The following SSBP3 variants were observed in gnomAD, a reference collection of about 807,000 sequenced individuals.
SSBP3 encodes single-stranded DNA-binding protein 3.
A neutral mutation model predicts 69.6 loss-of-function variants in SSBP3; 5 were observed. The ratio of observed to expected loss-of-function variants is 0.07; its 90% CI spans 0.04 to 0.15. The LOEUF is 0.15. Ranked by LOEUF, SSBP3 falls within the 10% of genes least tolerant of loss-of-function variation. The probability of loss-of-function intolerance (pLI) is 1.00; values close to 1 mark genes in which losing one functional copy is unlikely to be tolerated. For synonymous variants in SSBP3, 196 were observed against 193.4 expected (o/e 1.01, Z -0.11); for missense variants, 312 against 534.0 (o/e 0.58, Z 4.10).
intron 4 of SSBP3, among the ~76,000 whole-genome samples, chr1:54,347,348 GT>G (rs1381151075): frequency 6.8e-6 from 1 of 147,722 alleles, no homozygotes; most frequent in Non-Finnish European, 1.5e-5. Flanking sequence ...TTGTTAGGCT[GT>G]TTTTTAATTT....
intron 4 of SSBP3, among the ~76,000 whole-genome samples, chr1:54,285,015 A>C (rs1359993518): frequency 6.6e-6 from 1 of 152,184 alleles, no homozygotes; most frequent in Admixed American, 6.5e-5. Context: ...CCAATGAAGG[A>C]GGACAAAAAA....
At chr1:54,241,226 C>T (rs755745772) in intron 12 of SSBP3, among the ~76,000 whole-genome samples, 8 of 152,256 alleles carry the variant, frequency 5.3e-5, no homozygotes, top group South Asian at 2.1e-4. Flanking sequence ...GAGAGGCCTG[C>T]GGTGGACGCC....
At position 54,251,898 on chromosome 1, in the gene SSBP3, C is replaced by T. The variant is rs746738747; in HGVS notation, c.508-38G>A. The T allele has an allele frequency of 5.6e-5, 89 of 1,585,448 alleles. 2 individuals are homozygous for T. The highest frequency in any genetic ancestry group is 5.3e-4 in the South Asian group (47 of 89,428). ...CAAGACACAAGCTGAGGAGCTGCTC[C>T]GGAGCTGCTGGCCATGGGGACAGGC... On this transcript the variant is annotated intron_variant, in intron 7 of 17. Transcript: ENST00000610401.
At chr1:54,270,702 G>A (rs1261398882) in intron 5 of SSBP3, among the ~76,000 whole-genome samples, 3 of 152,136 alleles carry the variant, frequency 2.0e-5, no homozygotes, top group African/African-American at 4.8e-5. Context: ...TCCCAGACAC[G>A]CCTACAACAA....
At chr1:54,302,298 A>T (rs922786386) in intron 4 of SSBP3, among the ~76,000 whole-genome samples, 41 of 150,856 alleles carry the variant, frequency 2.7e-4, no homozygotes, top group African/African-American at 9.8e-4. Context: ...CAATGAATGT[A>T]GCTCACGACT....
intron 4 of SSBP3, among the ~76,000 whole-genome samples, chr1:54,376,026 A>G (rs899239260): frequency 2.6e-5 from 4 of 151,992 alleles, no homozygotes; most frequent in Non-Finnish European, 5.9e-5. Flanking sequence ...GGGAGGAAAG[A>G]GCCTTTGTGC....
chr1:54,235,709 A>G (rs1283322029), intron 14 of SSBP3, among the ~76,000 whole-genome samples: 2 of 151,954 alleles, frequency 1.3e-5, no homozygotes, highest in Non-Finnish European at 1.5e-5. Context: ...CGGCCTCCCA[A>G]CGTGCTCGGA....
At chr1:54,401,818 C>G in intron 4 of SSBP3, 43 bp downstream of exon 4, 1 of 1,552,526 alleles carries the variant, frequency 6.4e-7, no homozygotes, top group Non-Finnish European at 8.9e-7. Context: ...TTAGAGCTAT[C>G]CAACCCTATA....
intron 4 of SSBP3, among the ~76,000 whole-genome samples, chr1:54,364,727 C>T (rs1000178483): frequency 3.9e-5 from 6 of 152,162 alleles, no homozygotes; most frequent in South Asian, 2.1e-4. Flanking sequence ...CCCAAAAGCA[C>T]GTGTGCTAAT....
intron 9 of SSBP3, among the ~76,000 whole-genome samples, chr1:54,244,611 C>T (rs777930254): frequency 4.6e-5 from 7 of 152,200 alleles, no homozygotes; most frequent in South Asian, 2.1e-4. Flanking sequence ...CAGCTCAGGA[C>T]GGCCCACTGA....
At position 54,265,816 on chromosome 1, in the gene SSBP3, C is replaced by T. The variant is rs117491503; in HGVS notation, c.367-7667G>A. Among the ~76,000 whole-genome samples the T allele has an allele frequency of 1.3e-3, 198 of 152,344 alleles. 1 individual carries two copies. In the East Asian group the frequency reaches 0.018, roughly 14 times the overall value. ...TTTCCGTGTGAGCAAAGGCCCCAGCCGACCTCCCTTCCTCCTAGCAGTCTC... is the reference window on the plus strand; with the variant it reads ...TTTCCGTGTGAGCAAAGGCCCCAGCTGACCTCCCTTCCTCCTAGCAGTCTC... On this transcript the variant is annotated intron_variant, in intron 5 of 17. Transcript: ENST00000610401.
At chr1:54,238,049 G>A (rs965387024) in intron 14 of SSBP3, 4 of 431,176 alleles carry the variant, frequency 9.3e-6, no homozygotes, top group African/African-American at 2.0e-5. Flanking sequence ...GACTTTCTGT[G>A]TCCTGGGATT....
intron 4 of SSBP3, among the ~76,000 whole-genome samples, chr1:54,392,096 T>C (rs1400413173): frequency 6.6e-6 from 1 of 152,204 alleles, no homozygotes; most frequent in Non-Finnish European, 1.5e-5. Context: ...TTACTTACTC[T>C]GCCTTCAACA....
At chr1:54,356,358 C>G (rs372488954) in intron 4 of SSBP3, 1 of 152,232 alleles carries the variant, frequency 6.6e-6, no homozygotes, top group Non-Finnish European at 1.5e-5. Context: ...CTTTCCTTCC[C>G]GCCAGCGCCC....
chr1:54,286,317 T>C (rs1645489226), intron 4 of SSBP3: 1 of 152,314 alleles, frequency 6.6e-6, no homozygotes, highest in Admixed American at 6.5e-5. Flanking sequence ...ATAAAGCTAA[T>C]TTAAAATTCT....
At chr1:54,247,050 G>A (rs1644746577) in intron 9 of SSBP3, among the ~76,000 whole-genome samples, 1 of 152,240 alleles carries the variant, frequency 6.6e-6, no homozygotes, top group South Asian at 2.1e-4. Flanking sequence ...AGCCTCCAGT[G>A]CAGCCGTGGG....
At chr1:54,274,923 A>AATT (rs1446619361) in intron 5 of SSBP3, among the ~76,000 whole-genome samples, 3 of 148,074 alleles carry the variant, frequency 2.0e-5, no homozygotes, top group Non-Finnish European at 4.5e-5. Context: ...CGCCTGGCAC[A>AATT]CTCCCCCACC....
At chr1:54,328,287 TC>T (rs1258113306) in intron 4 of SSBP3, among the ~76,000 whole-genome samples, 2 of 152,170 alleles carry the variant, frequency 1.3e-5, no homozygotes, top group African/African-American at 4.8e-5. Flanking sequence ...AGCGAGGTGT[TC>T]ATGTGCTGAA....
intron 4 of SSBP3, among the ~76,000 whole-genome samples, chr1:54,324,839 A>G (rs1646272954): frequency 6.6e-6 from 1 of 152,166 alleles, no homozygotes. Flanking sequence ...TAAATCTGCT[A>G]AACGAGGTGG....
Sources: allele counts gnomAD v4.1 joint callset (sites outside exome capture counted in the v4.1 genomes callset), GRCh38; gene constraint gnomAD v4.1.1; transcripts MANE v1.5; gene names NCBI Gene and HGNC (gene_info 2026-07-23, HGNC 2026-07-21).